The following HDAC4 variants were observed in gnomAD, a reference collection of about 807,000 sequenced individuals.
HDAC4 encodes the protein histone deacetylase 4.
A neutral mutation model predicts 135.1 loss-of-function variants in HDAC4; 16 were observed. The observed-to-expected ratio is 0.12, with a 90% CI of 0.08 to 0.18. The LOEUF is 0.18. HDAC4 is among the 10% of genes least tolerant of loss of function. The pLI is 1.00. For synonymous variants in HDAC4, 685 were observed against 653.4 expected (o/e 1.05, Z -0.74); for missense variants, 1,143 against 1,511.8 (o/e 0.76, Z 4.05).
At chr2:239,394,002 C>T (rs1696399459) in intron 1 of HDAC4, among the ~76,000 whole-genome samples, 1 of 124,250 alleles carries the variant, frequency 8.0e-6, no homozygotes, top group East Asian at 2.8e-4. Context: ...ACCAGGGAGG[C>T]CAGTGGAGAT....
intron 2 of HDAC4, among the ~76,000 whole-genome samples, chr2:239,252,261 T>C (rs539948563): frequency 1.3e-5 from 2 of 152,290 alleles, no homozygotes; most frequent in Admixed American, 6.5e-5. Flanking sequence ...AGCTGATCAG[T>C]GTGGGCCTCA....
At chr2:239,395,785 C>T (rs936560739) in intron 1 of HDAC4, among the ~76,000 whole-genome samples, 3 of 151,606 alleles carry the variant, frequency 2.0e-5, no homozygotes, top group African/African-American at 7.3e-5. Context: ...ACAAGTACTC[C>T]TTTTATAAAT....
At chr2:239,222,032 C>A (rs1036151363) in intron 3 of HDAC4, among the ~76,000 whole-genome samples, 6 of 152,186 alleles carry the variant, frequency 3.9e-5, no homozygotes, top group African/African-American at 1.4e-4. Context: ...AATCCAAATG[C>A]GGCTGTAAAC....
intron 2 of HDAC4, among the ~76,000 whole-genome samples, chr2:239,274,162 A>G (rs2050216917): frequency 6.6e-6 from 1 of 152,224 alleles, no homozygotes; most frequent in Admixed American, 6.5e-5. Flanking sequence ...AAAATGAAAG[A>G]TAGCCAGTGA....
At chr2:239,217,419 T>C (rs550811149) in intron 3 of HDAC4, among the ~76,000 whole-genome samples, 3 of 152,306 alleles carry the variant, frequency 2.0e-5, no homozygotes, top group South Asian at 2.1e-4. Flanking sequence ...TTCTCAGTGA[T>C]AGAATCAGTA....
At chr2:239,178,655 A>G (rs1321902616) in intron 4 of HDAC4, among the ~76,000 whole-genome samples, 1 of 152,170 alleles carries the variant, frequency 6.6e-6, no homozygotes, top group African/African-American at 2.4e-5. Flanking sequence ...AAGCTCTGGG[A>G]TTACGAGCGT....
At chr2:239,074,963 C>T (rs2034584154) in intron 22 of HDAC4, among the ~76,000 whole-genome samples, 1 of 152,118 alleles carries the variant, frequency 6.6e-6, no homozygotes, top group African/African-American at 2.4e-5. Context: ...GTGGCTCACA[C>T]ATGTAATCCC....
At chr2:239,162,460 A>G in intron 6 of HDAC4, 3 of 408,784 alleles carry the variant, frequency 7.3e-6, no homozygotes, top group Non-Finnish European at 1.5e-5. Context: ...TGCCCCAGCC[A>G]GTAGGACAAT....
chr2:239,178,558 C>A (rs1343307442), intron 4 of HDAC4, among the ~76,000 whole-genome samples: 1 of 152,158 alleles, frequency 6.6e-6, no homozygotes, highest in Non-Finnish European at 1.5e-5. Flanking sequence ...ACGTTTTCTT[C>A]TTTTTTGATG....
chr2:239,364,682 A>G (rs1004877067), intron 1 of HDAC4, among the ~76,000 whole-genome samples: 1 of 152,272 alleles, frequency 6.6e-6, no homozygotes, highest in African/African-American at 2.4e-5. Context: ...TTATAATTCA[A>G]TAAAAAACTG....
At chr2:239,098,926 A>G (rs4852019) in intron 16 of HDAC4, among the ~76,000 whole-genome samples, 89,236 of 152,114 alleles carry the variant, frequency 0.59, 26,625 homozygotes, top group African/African-American at 0.69. Context: ...TTTAAAGCAC[A>G]AAGCTTTCCA....
chr2:239,124,153 A>G (rs1202609259), intron 12 of HDAC4, among the ~76,000 whole-genome samples: 1 of 152,234 alleles, frequency 6.6e-6, no homozygotes, highest in Non-Finnish European at 1.5e-5. Flanking sequence ...TTACTGGGAT[A>G]TAATTCACAT....
At chr2:239,152,487 T>C (rs1006738446) in intron 7 of HDAC4, among the ~76,000 whole-genome samples, 1 of 152,086 alleles carries the variant, frequency 6.6e-6, no homozygotes, top group East Asian at 1.9e-4. Context: ...CTGCTGCCAA[T>C]CTCCCAGGAA....
At chr2:239,107,223 C>A (rs999863886) in intron 15 of HDAC4, among the ~76,000 whole-genome samples, 6 of 152,208 alleles carry the variant, frequency 3.9e-5, no homozygotes. Context: ...CAAAGTGCGG[C>A]CCCCGTCCTG....
At chr2:239,312,361 A>G (rs1004496762) in intron 2 of HDAC4, among the ~76,000 whole-genome samples, 4 of 151,876 alleles carry the variant, frequency 2.6e-5, no homozygotes, top group African/African-American at 9.7e-5. Context: ...CCTGCTGCCC[A>G]CCCCCAACTG....
At chr2:239,263,583 G>A (rs58287130) in intron 2 of HDAC4, among the ~76,000 whole-genome samples, 28,580 of 152,108 alleles carry the variant, frequency 0.19, 3,257 homozygotes, top group East Asian at 0.42. Flanking sequence ...GGCAAGGGCA[G>A]GGAAGTGAGG....
chr2:239,127,265 C>A (rs2040257188), intron 11 of HDAC4, among the ~76,000 whole-genome samples: 1 of 152,166 alleles, frequency 6.6e-6, no homozygotes, highest in African/African-American at 2.4e-5. Context: ...TGCATATTGT[C>A]AAAACCCCTT....
At chr2:239,153,060 G>C (rs2042212424) in intron 7 of HDAC4, among the ~76,000 whole-genome samples, 1 of 152,178 alleles carries the variant, frequency 6.6e-6, no homozygotes, top group Non-Finnish European at 1.5e-5. Context: ...CAGGCACCTG[G>C]TCCTGCCCAC....
chr2:239,394,046 G>C (rs60704445), intron 1 of HDAC4, among the ~76,000 whole-genome samples: 11 of 107,192 alleles, frequency 1.0e-4, no homozygotes, highest in African/African-American at 3.9e-4. Flanking sequence ...GTTTAAAAAA[G>C]AACCGCTCCA....
Sources: allele counts gnomAD v4.1 joint callset (sites outside exome capture counted in the v4.1 genomes callset), GRCh38; gene constraint gnomAD v4.1.1; transcripts MANE v1.5; gene names NCBI Gene and HGNC (gene_info 2026-07-23, HGNC 2026-07-21).